Variants in LEPR observed in about 807,000 individuals in gnomAD.
The protein encoded by LEPR is leptin receptor, also known as OB receptor.
A neutral mutation model predicts 114.7 loss-of-function variants in LEPR; 56 were observed. That is an observed-to-expected ratio of 0.49 (90% CI 0.39 to 0.61). LEPR has a LOEUF of 0.61. Ranked by LOEUF, LEPR falls within the 20% of genes least tolerant of loss-of-function variation. The probability of loss-of-function intolerance (pLI) is 0.00; values close to 1 mark genes in which losing one functional copy is unlikely to be tolerated. For missense variants in LEPR, 1,202 were observed against 1,352.9 expected (o/e 0.89, Z 1.75); for synonymous variants, 443 against 461.4 (o/e 0.96, Z 0.51).
chr1:65,475,180 A>T (rs1398397860), intron 2 of LEPR, among the ~76,000 whole-genome samples: 3 of 152,190 alleles, frequency 2.0e-5, no homozygotes, highest in Non-Finnish European at 4.4e-5. Context: ...TTACTGAATT[A>T]CAAGTTAATA....
chr1:65,511,320 G>T (rs1172247944), intron 2 of LEPR, among the ~76,000 whole-genome samples: 1 of 152,080 alleles, frequency 6.6e-6, no homozygotes, highest in Non-Finnish European at 1.5e-5. Flanking sequence ...AAGAGTCTCA[G>T]ACCCCAATCC....
rs778836287 is a variant in LEPR, at chr1:65,618,107, C to A, written c.2356C>A (p.Leu786Ile). Residue 786 changes from leucine to isoleucine, a missense_variant, in exon 16 of 20, where the codon CTT becomes ATT. Coordinates refer to ENST00000349533, the MANE Select transcript of LEPR (RefSeq NM_002303.6). ...NLNEDGEIKW[L>I]RISSSVKKYY... ...TAATGAAGATGGTGAAATAAAATGG[C>A]TTAGAATCTCTTCATCTGTTAAGAA... is the stretch of plus-strand genomic sequence containing the variant. The A allele has an allele frequency of 6.2e-7, 1 of 1,610,150 alleles. No individual in the cohort carries two copies. The highest frequency in any genetic ancestry group is 1.1e-5 in the South Asian group (1 of 90,738).
chr1:65,483,501 A>G (rs1292885167), intron 2 of LEPR, among the ~76,000 whole-genome samples: 1 of 152,176 alleles, frequency 6.6e-6, no homozygotes, highest in Non-Finnish European at 1.5e-5. Context: ...GAGTTACGAT[A>G]TCACAACAAC....
At chr1:65,578,536 A>G (rs1654758081) in intron 5 of LEPR, among the ~76,000 whole-genome samples, 1 of 152,116 alleles carries the variant, frequency 6.6e-6, no homozygotes, top group Admixed American at 6.5e-5. Context: ...TACACTTTGA[A>G]CAAAAGGAGA....
intron 2 of LEPR, among the ~76,000 whole-genome samples, chr1:65,493,713 G>A (rs1362050958): frequency 6.6e-6 from 1 of 151,896 alleles, no homozygotes; most frequent in Non-Finnish European, 1.5e-5. Context: ...GTTTTCTCTT[G>A]TATATCGGAC....
At chr1:65,586,005 T>G (rs1655289229) in intron 5 of LEPR, among the ~76,000 whole-genome samples, 1 of 152,060 alleles carries the variant, frequency 6.6e-6, no homozygotes, top group Admixed American at 6.6e-5. Flanking sequence ...TATAATTCTC[T>G]AATTTTCCAT....
At chr1:65,565,237 T>G (rs1324812665) in intron 2 of LEPR, among the ~76,000 whole-genome samples, 3 of 152,212 alleles carry the variant, frequency 2.0e-5, no homozygotes, top group Non-Finnish European at 4.4e-5. Context: ...ATCAACATTG[T>G]GAGCACTTGC....
chr1:65,601,478 G>A lies in LEPR; in HGVS notation c.1081G>A (p.Val361Ile). ...CATCTATAAGAAGGAAAACAAGATT[G>A]TTCCCTCAAAAGAGATTGTTTGGTG... ...HCIYKKENKI[V>I]PSKEIVWWMN... Residue 361 changes from valine to isoleucine, a missense_variant, in exon 9 of 20, where the codon GTT becomes ATT. By Grantham distance (29) the Val-to-Ile change is conservative. Coordinates refer to ENST00000349533, the MANE Select transcript of LEPR (RefSeq NM_002303.6). 1.2e-6 allele frequency: 2 copies of A among 1,613,648 alleles called. No homozygotes were observed. Among genetic ancestry groups the A allele is most frequent in the Non-Finnish European group, 1.7e-6 (2 of 1,179,670 alleles).
chr1:65,637,239 C>A lies in LEPR; in HGVS notation c.*224C>A, dbSNP rs1013610121. The A allele has an allele frequency of 4.6e-6, 2 of 439,096 alleles. No individual in the cohort carries two copies. The highest frequency in any genetic ancestry group is 8.1e-6 in the Non-Finnish European group (2 of 247,260). 27.2% of individuals were successfully genotyped at this position (439,096 alleles called of 1,614,324 possible). A position where few individuals can be genotyped will look rare whatever the true frequency, so the allele number is the denominator to read the frequency against. ...CACGCTCTTCTATTTTATTCCCAAG[C>A]TCTAGTGGGAAGGTCCCTTGTTTCC... On this transcript the variant is annotated 3_prime_UTR_variant, in exon 20 of 20. Coordinates refer to ENST00000349533, the MANE Select transcript of LEPR (RefSeq NM_002303.6).
Position 65,533,970 on chromosome 1 carries a change from A to G in LEPR, c.-20-31576A>G, listed in dbSNP as rs77450724. Among the ~76,000 whole-genome samples, 840 of 152,124 alleles carry G rather than the reference A, an allele frequency of 5.5e-3. 10 individuals carry two copies. The highest frequency in any genetic ancestry group is 0.019 in the African/African-American group (808 of 41,520). On this transcript the variant is annotated intron_variant, in intron 2 of 19. Transcript: ENST00000349533. Reference sequence around the variant, plus strand: ...TATTTTAAATGTGTCTCTGTATCCTATATCATTTTTCTGTCATTCTGCATT... The same window carrying G: ...TATTTTAAATGTGTCTCTGTATCCTGTATCATTTTTCTGTCATTCTGCATT...
chr1:65,580,450 A>G (rs1312105564), intron 5 of LEPR, among the ~76,000 whole-genome samples: 3 of 152,228 alleles, frequency 2.0e-5, no homozygotes, highest in African/African-American at 7.2e-5. Context: ...AATGTTTGTA[A>G]GGGATTTAAA....
At chr1:65,614,795 A>G (rs1657424695) in intron 14 of LEPR, among the ~76,000 whole-genome samples, 1 of 152,178 alleles carries the variant, frequency 6.6e-6, no homozygotes, top group Non-Finnish European at 1.5e-5. Flanking sequence ...TTGTAAGGTA[A>G]GAGGGCCTAA....
intron 2 of LEPR, among the ~76,000 whole-genome samples, chr1:65,497,058 C>G (rs1648199758): frequency 1.3e-5 from 2 of 152,092 alleles, no homozygotes; most frequent in Admixed American, 1.3e-4. Context: ...GTCTTGCAAT[C>G]ACATTGCCCC....
chr1:65,529,065 G>A (rs948726838), intron 2 of LEPR, among the ~76,000 whole-genome samples: 8 of 151,146 alleles, frequency 5.3e-5, no homozygotes, highest in Non-Finnish European at 1.0e-4. Context: ...TGCCCACTTC[G>A]GCCTCCCAAA....
chr1:65,560,111 G>T lies in LEPR; in HGVS notation c.-20-5435G>T, dbSNP rs1160212430. Among the ~76,000 whole-genome samples, 33 of 130,548 alleles carry T rather than the reference G, an allele frequency of 2.5e-4. 1 individual carries two copies. The highest frequency in any genetic ancestry group is 9.6e-4 in the Admixed American group (13 of 13,556). 85.6% of individuals were successfully genotyped at this position (130,548 alleles called of 152,430 possible). A position where few individuals can be genotyped will look rare whatever the true frequency, so the allele number is the denominator to read the frequency against. On this transcript the variant is annotated intron_variant, in intron 2 of 19. Coordinates refer to ENST00000349533, the MANE Select transcript of LEPR (RefSeq NM_002303.6). ...AGAAAGTCATTGGTAGCTTGATGGGGATGGCATTGAATCTGTAAATGACCT... is the reference window on the plus strand; with the variant it reads ...AGAAAGTCATTGGTAGCTTGATGGGTATGGCATTGAATCTGTAAATGACCT...
chr1:65,594,753 A>G (rs139925276), intron 6 of LEPR, among the ~76,000 whole-genome samples: 1 of 152,098 alleles, frequency 6.6e-6, no homozygotes, highest in Admixed American at 6.6e-5. Context: ...GAGATCACCT[A>G]TTTAGAGTTC....
At chr1:65,511,494 C>T (rs1217905246) in intron 2 of LEPR, among the ~76,000 whole-genome samples, 4 of 151,900 alleles carry the variant, frequency 2.6e-5, no homozygotes, top group Middle Eastern at 3.4e-3. Context: ...CAAAAGATGG[C>T]AACCAAGGTC....
chr1:65,421,545 C>T (rs1646251105), intron 1 of LEPR: 3 of 1,471,970 alleles, frequency 2.0e-6, no homozygotes, highest in African/African-American at 2.8e-5. Flanking sequence ...TTGAAATTTG[C>T]ACCCAAAGAT....
chr1:65,566,084 A>G (rs772622513), intron 3 of LEPR, among the ~76,000 whole-genome samples: 1 of 152,120 alleles, frequency 6.6e-6, no homozygotes, highest in Non-Finnish European at 1.5e-5. Flanking sequence ...ATATAAAATT[A>G]TTAGTCTATT....
Sources: allele counts gnomAD v4.1 joint callset (sites outside exome capture counted in the v4.1 genomes callset), GRCh38; gene constraint gnomAD v4.1.1; transcripts MANE v1.5; gene names NCBI Gene and HGNC (gene_info 2026-07-23, HGNC 2026-07-21).